The following CYB5R4 variants were observed in gnomAD, a reference collection of about 807,000 sequenced individuals.
CYB5R4 encodes cytochrome b5 reductase 4.
Under a neutral mutation model 70.2 loss-of-function variants are expected in CYB5R4, and 55 were observed. That is an observed-to-expected ratio of 0.78 (90% CI 0.63 to 0.98). The LOEUF is 0.98. Ranked by LOEUF, CYB5R4 falls within the 50% of genes least tolerant of loss-of-function variation. CYB5R4 has a pLI of 0.00. For synonymous variants in CYB5R4, 197 were observed against 199.5 expected (o/e 0.99, Z 0.11); for missense variants, 562 against 612.6 (o/e 0.92, Z 0.87).
At position 83,936,324 on chromosome 6, in the gene CYB5R4, A is replaced by G; in HGVS notation, c.1056A>G (p.Ile352Met). Residue 352 changes from isoleucine to methionine, a missense_variant, in exon 12 of 16, where the codon ATA (isoleucine) becomes ATG (methionine). Ile to Met is a conservative substitution (Grantham distance 10). Transcript: ENST00000369681. Reference sequence around the variant, plus strand: ...ACAATAAATACATCTACTTTTTGATAAAAATCTATCCCACTGGACTCTTCA... The same window carrying G: ...ACAATAAATACATCTACTTTTTGATGAAAATCTATCCCACTGGACTCTTCA... ...LPNNKYIYFL[I>M]KIYPTGLFTP... is the part of the protein sequence containing the mutation. 3.1e-6 allele frequency: 5 copies of G among 1,612,870 alleles called. No homozygotes were observed. The highest frequency in any genetic ancestry group is 4.2e-6 in the Non-Finnish European group (5 of 1,179,408).
intron 2 of CYB5R4, among the ~76,000 whole-genome samples, chr6:83,866,507 A>G (rs1045045512): frequency 1.3e-5 from 2 of 152,158 alleles, no homozygotes; most frequent in Non-Finnish European, 2.9e-5. Context: ...TTTCAGATTT[A>G]TGAATTTGGG....
chr6:83,938,120 G>A (rs2099469207), intron 12 of CYB5R4, among the ~76,000 whole-genome samples: 1 of 152,116 alleles, frequency 6.6e-6, no homozygotes, highest in African/African-American at 2.4e-5. Context: ...GTCATCCTTG[G>A]TTACGTAAAC....
intron 5 of CYB5R4, among the ~76,000 whole-genome samples, chr6:83,915,830 T>A (rs2129139080): frequency 6.6e-6 from 1 of 152,320 alleles, no homozygotes; most frequent in East Asian, 1.9e-4. Context: ...ACTATTCCAA[T>A]AGCTGCTTAA....
At chr6:83,927,129 T>G (rs2099467416) in intron 10 of CYB5R4, among the ~76,000 whole-genome samples, 1 of 152,200 alleles carries the variant, frequency 6.6e-6, no homozygotes, top group African/African-American at 2.4e-5. Flanking sequence ...AAAACCCTCT[T>G]TGTTGTTATT....
Position 83,919,409 on chromosome 6 carries a change from C to T in CYB5R4, c.519C>T (p.Phe173=), listed in dbSNP as rs751777408. The change falls in exon 7 of 16, where the codon TTC becomes TTT. Residue 173 remains phenylalanine (F), a synonymous_variant. Coordinates refer to ENST00000369681, the MANE Select transcript of CYB5R4 (RefSeq NM_016230.4). ...TTATATTTTACAGCTATGATTGGTTCCAAACAGACTCTTTAGTCACCATTG... is the reference window on the plus strand; with the variant it reads ...TTATATTTTACAGCTATGATTGGTTTCAAACAGACTCTTTAGTCACCATTG... The part of the protein sequence containing the change: ...EGPSYPSYDW[F]QTDSLVTIAI... The T allele has an allele frequency of 4.4e-5, 67 of 1,513,166 alleles. No homozygotes were observed. The highest frequency in any genetic ancestry group is 5.7e-5 in the Non-Finnish European group (63 of 1,110,264). The allele number at this position is 1,513,166 out of a possible 1,614,324, so 93.7% of individuals were successfully genotyped here.
chr6:83,956,370 T>C (rs555380757), intron 15 of CYB5R4, among the ~76,000 whole-genome samples: 19 of 152,186 alleles, frequency 1.2e-4, no homozygotes, highest in African/African-American at 2.6e-4. Context: ...CAAAGCTGGA[T>C]TGGGGGGGGC....
chr6:83,909,892 G>A (rs770196673), intron 4 of CYB5R4, among the ~76,000 whole-genome samples: 13 of 152,122 alleles, frequency 8.5e-5, no homozygotes, highest in African/African-American at 1.2e-4. Flanking sequence ...AATATCCTGC[G>A]TTGCACAGGA....
chr6:83,877,535 GA>G (rs2099458761), intron 2 of CYB5R4, among the ~76,000 whole-genome samples: 1 of 151,088 alleles, frequency 6.6e-6, no homozygotes, highest in Non-Finnish European at 1.5e-5. Context: ...CATGGTGAGA[GA>G]GGGGGAAGGG....
intron 2 of CYB5R4, among the ~76,000 whole-genome samples, chr6:83,866,997 T>C (rs1308672066): frequency 6.6e-6 from 1 of 152,178 alleles, no homozygotes; most frequent in Non-Finnish European, 1.5e-5. Context: ...TTTGTAGAAA[T>C]AAGATGTGTC....
rs2099473239 is a variant in CYB5R4 at position 83,960,966 on chromosome 6, C to T, written c.*1088C>T. The T allele has an allele frequency of 2.0e-5, 3 of 152,292 alleles. No homozygotes were observed. Among genetic ancestry groups the T allele is most frequent in the African/African-American group, 4.8e-5 (2 of 41,554 alleles). The allele number at this position is 152,292 out of a possible 1,614,324, so 9.4% of individuals were successfully genotyped here. On this transcript the variant is annotated 3_prime_UTR_variant, in exon 16 of 16. Coordinates refer to ENST00000369681, the MANE Select transcript of CYB5R4 (RefSeq NM_016230.4). ...CATAGGTAGCTACTGTATAAGCTAA[C>T]TAGGATTTTTCAGTCTTAGTACAGC...
chr6:83,924,412 A>AGT lies in CYB5R4; in HGVS notation c.692-58_692-57insGT, dbSNP rs2099466944. 3.8e-6 allele frequency: 6 copies of AGT among 1,562,920 alleles called. No homozygotes were observed. In the African/African-American group the frequency reaches 6.8e-5, roughly 18 times the overall value. ...GTACTATTTGAGAAATACTGGTTTT[A>AGT]AAATAAAATCTTGTATTTAGTATCG... On this transcript the variant is annotated intron_variant, in intron 9 of 15. Coordinates refer to ENST00000369681, the MANE Select transcript of CYB5R4 (RefSeq NM_016230.4).
At chr6:83,940,859 A>G (rs747404275) in intron 14 of CYB5R4, among the ~76,000 whole-genome samples, 4 of 152,164 alleles carry the variant, frequency 2.6e-5, no homozygotes, top group Non-Finnish European at 5.9e-5. Context: ...TGTGATTTAT[A>G]CTGAGTTGGG....
intron 2 of CYB5R4, among the ~76,000 whole-genome samples, chr6:83,878,694 A>G (rs1339397254): frequency 2.0e-5 from 3 of 152,144 alleles, no homozygotes; most frequent in Non-Finnish European, 4.4e-5. Context: ...ATAGAAGAAT[A>G]ATAGAAACTG....
intron 14 of CYB5R4, among the ~76,000 whole-genome samples, chr6:83,947,021 C>G (rs529698304): frequency 3.8e-4 from 58 of 152,246 alleles, no homozygotes; most frequent in Middle Eastern, 3.4e-3. Context: ...CATCAAGCTA[C>G]CATTGACTTT....
chr6:83,891,814 T>A (rs921494148), intron 2 of CYB5R4, among the ~76,000 whole-genome samples: 5 of 152,184 alleles, frequency 3.3e-5, no homozygotes, highest in Admixed American at 2.0e-4. Flanking sequence ...TATGGAATGT[T>A]TTAGGCTTTA....
chr6:83,952,559 A>T (rs2099471715), intron 14 of CYB5R4, among the ~76,000 whole-genome samples: 1 of 152,132 alleles, frequency 6.6e-6, no homozygotes, highest in African/African-American at 2.4e-5. Flanking sequence ...TGTTTTAATG[A>T]CAGAGTAGAG....
intron 5 of CYB5R4, among the ~76,000 whole-genome samples, chr6:83,916,535 T>TTTTGTA (rs1453877431): frequency 5.3e-5 from 8 of 152,170 alleles, no homozygotes; most frequent in African/African-American, 1.9e-4. Flanking sequence ...TTGTTTTACG[T>TTTTGTA]GTAGTTTTGT....
intron 4 of CYB5R4, among the ~76,000 whole-genome samples, chr6:83,911,312 T>C (rs2099464645): frequency 6.6e-6 from 1 of 152,024 alleles, no homozygotes; most frequent in South Asian, 2.1e-4. Context: ...AAGAGTTCTG[T>C]TTAGAGATAT....
chr6:83,916,899 G>A (rs1309734241), intron 5 of CYB5R4, among the ~76,000 whole-genome samples: 2 of 152,120 alleles, frequency 1.3e-5, no homozygotes, highest in Non-Finnish European at 2.9e-5. Flanking sequence ...AGACTCAGCA[G>A]ATACTAACCA....
Sources: gnomAD v4.1 joint callset for allele counts (sites outside exome capture counted in the v4.1 genomes callset) on GRCh38, gnomAD v4.1.1 for gene constraint, MANE v1.5 for transcripts, NCBI Gene and HGNC (gene_info 2026-07-23, HGNC 2026-07-21) for gene names.